Variants in GOLIM4 observed in about 807,000 individuals in gnomAD.
The protein encoded by GOLIM4 is golgi integral membrane protein 4, also known as 130 kDa golgi-localized phosphoprotein.
Under a neutral mutation model 107.4 loss-of-function variants are expected in GOLIM4, and 71 were observed. The ratio of observed to expected loss-of-function variants is 0.66; its 90% CI spans 0.55 to 0.81. The LOEUF (loss-of-function observed/expected upper bound fraction) is 0.81, where lower values mean the gene tolerates loss of function less well. GOLIM4 is among the 30% of genes least tolerant of loss of function. The probability of loss-of-function intolerance (pLI) is 0.00; values close to 1 mark genes in which losing one functional copy is unlikely to be tolerated. For missense variants in GOLIM4, 830 were observed against 826.1 expected (o/e 1.00, Z -0.06); for synonymous variants, 327 against 294.8 (o/e 1.11, Z -1.12).
intron 1 of GOLIM4, among the ~76,000 whole-genome samples, chr3:168,061,132 G>A (rs1209158988): frequency 7.0e-6 from 1 of 142,358 alleles, no homozygotes. Flanking sequence ...AAATATACAA[G>A]ATTTTAGAGA....
intron 14 of GOLIM4, among the ~76,000 whole-genome samples, chr3:168,018,621 C>T (rs1333194263): frequency 1.3e-5 from 2 of 152,132 alleles, no homozygotes; most frequent in Non-Finnish European, 2.9e-5. Flanking sequence ...TGCCCATAGT[C>T]GTAGAACCTC....
At chr3:168,072,734 A>G (rs1720896907) in intron 1 of GOLIM4, among the ~76,000 whole-genome samples, 1 of 152,162 alleles carries the variant, frequency 6.6e-6, no homozygotes, top group African/African-American at 2.4e-5. Flanking sequence ...CCACAGAAAA[A>G]TTAGATGAAG....
At chr3:168,056,937 G>C (rs1720006022) in intron 1 of GOLIM4, among the ~76,000 whole-genome samples, 1 of 152,122 alleles carries the variant, frequency 6.6e-6, no homozygotes, top group Non-Finnish European at 1.5e-5. Context: ...AAGCATAATT[G>C]GTTTTGAAAT....
At chr3:168,046,928 C>A (rs1719338992) in intron 3 of GOLIM4, 22 bp downstream of exon 3, 1 of 1,265,306 alleles carries the variant, frequency 7.9e-7, no homozygotes, top group South Asian at 1.4e-5. Flanking sequence ...CAAACAACCA[C>A]AACAAAAAAA....
intron 1 of GOLIM4, among the ~76,000 whole-genome samples, chr3:168,079,909 G>C (rs185382486): frequency 6.7e-4 from 102 of 152,088 alleles, no homozygotes; most frequent in African/African-American, 2.2e-3. Flanking sequence ...AGAGAAAATT[G>C]TCAGTCACTT....
At chr3:168,021,588 C>T (rs1458859082) in intron 14 of GOLIM4, among the ~76,000 whole-genome samples, 1 of 152,080 alleles carries the variant, frequency 6.6e-6, no homozygotes, top group East Asian at 1.9e-4. Context: ...ATTGCTTGAA[C>T]CCGGAAGGCG....
At position 168,021,267 on chromosome 3, in the gene GOLIM4, C is replaced by T. The variant is rs1331388530; in HGVS notation, c.1860+3259G>A. 4.6e-5 allele frequency among the ~76,000 whole-genome samples: 7 copies of T among 152,210 alleles called. No homozygotes were observed. The East Asian group carries it at 1.3e-3, about 29-fold the overall frequency. On this transcript the variant is annotated intron_variant, in intron 14 of 15. Transcript: ENST00000470487. ...GAGCTGAGCCTCAAGTAGGTAAGAA[C>T]AGTAGGATCCAAAGAGATAGATAGA...
At chr3:168,056,974 CAG>C (rs1720007770) in intron 1 of GOLIM4, among the ~76,000 whole-genome samples, 1 of 151,952 alleles carries the variant, frequency 6.6e-6, no homozygotes. Flanking sequence ...TGGGAGGGGT[CAG>C]GGGTGGAATG....
intron 14 of GOLIM4, among the ~76,000 whole-genome samples, chr3:168,019,763 C>A (rs10936551): frequency 1.3e-5 from 2 of 152,042 alleles, no homozygotes; most frequent in Non-Finnish European, 2.9e-5. Context: ...ATATTTCACA[C>A]ATATTTTTTA....
chr3:168,010,181 AAAT>A lies in GOLIM4; in HGVS notation c.*85_*87del. On this transcript the variant is annotated 3_prime_UTR_variant, in exon 16 of 16. Transcript: ENST00000470487. The stretch of plus-strand genomic sequence containing the variant: ...GTCTAAGTTCTTAATTTTTGTAATT[AAAT>A]ATCCTAGAGTTCAGTAGGCAGATTT... The A allele has an allele frequency of 8.5e-7, 1 of 1,171,124 alleles. No individual in the cohort carries two copies. The highest frequency in any genetic ancestry group is 1.2e-6 in the Non-Finnish European group (1 of 843,032). 72.5% of individuals were successfully genotyped at this position (1,171,124 alleles called of 1,614,324 possible). A position where few individuals can be genotyped will look rare whatever the true frequency, so the allele number is the denominator to read the frequency against.
At chr3:168,086,330 T>C (rs1254432024) in intron 1 of GOLIM4, among the ~76,000 whole-genome samples, 2 of 152,152 alleles carry the variant, frequency 1.3e-5, no homozygotes, top group Non-Finnish European at 2.9e-5. Flanking sequence ...TTTATAATAT[T>C]TATTTGACAG....
At chr3:168,066,514 A>T (rs1351928984) in intron 1 of GOLIM4, among the ~76,000 whole-genome samples, 1 of 152,146 alleles carries the variant, frequency 6.6e-6, no homozygotes, top group African/African-American at 2.4e-5. Context: ...TATTCCACTA[A>T]AGATCTTGGT....
At chr3:168,013,842 G>A (rs924780331) in intron 14 of GOLIM4, among the ~76,000 whole-genome samples, 3 of 151,260 alleles carry the variant, frequency 2.0e-5, no homozygotes, top group Admixed American at 6.6e-5. Context: ...TCAAACCAAC[G>A]AGAACAAAGA....
intron 1 of GOLIM4, among the ~76,000 whole-genome samples, chr3:168,057,043 G>T (rs1289293639): frequency 6.6e-6 from 1 of 152,096 alleles, no homozygotes; most frequent in East Asian, 1.9e-4. Flanking sequence ...ATATGTTGAG[G>T]GGGGGACCCG....
At chr3:168,062,959 T>G (rs980122164) in intron 1 of GOLIM4, among the ~76,000 whole-genome samples, 1 of 152,162 alleles carries the variant, frequency 6.6e-6, no homozygotes, top group African/African-American at 2.4e-5. Flanking sequence ...GTCTAATGCT[T>G]GATAGAGTTA....
At chr3:168,059,258 T>C (rs529313362) in intron 1 of GOLIM4, among the ~76,000 whole-genome samples, 1 of 152,306 alleles carries the variant, frequency 6.6e-6, no homozygotes, top group African/African-American at 2.4e-5. Context: ...TATTAACCCC[T>C]AAAAGTTTTA....
intron 8 of GOLIM4, among the ~76,000 whole-genome samples, chr3:168,033,070 T>G (rs1718428622): frequency 6.6e-6 from 1 of 152,128 alleles, no homozygotes; most frequent in South Asian, 2.1e-4. Context: ...ACTTCATCTG[T>G]GAAGAATACA....
At chr3:168,022,254 G>C (rs1471818519) in intron 14 of GOLIM4, among the ~76,000 whole-genome samples, 2 of 152,026 alleles carry the variant, frequency 1.3e-5, no homozygotes, top group Non-Finnish European at 2.9e-5. Context: ...TGGAGAGGAA[G>C]GGAAGCGATG....
intron 1 of GOLIM4, among the ~76,000 whole-genome samples, chr3:168,064,079 G>A (rs796432273): frequency 1.3e-5 from 2 of 152,274 alleles, no homozygotes; most frequent in African/African-American, 4.8e-5. Flanking sequence ...GGTGAGATTG[G>A]CATTTGCCTT....
Sources: gnomAD v4.1 joint callset for allele counts (sites outside exome capture counted in the v4.1 genomes callset) on GRCh38, gnomAD v4.1.1 for gene constraint, MANE v1.5 for transcripts, NCBI Gene and HGNC (gene_info 2026-07-23, HGNC 2026-07-21) for gene names.